Variants in TUT4 observed in about 807,000 individuals in gnomAD.
TUT4 encodes the protein terminal uridylyl transferase 4.
Under a neutral mutation model 192.2 loss-of-function variants are expected in TUT4, and 36 were observed. The observed-to-expected ratio is 0.19, with a 90% confidence interval of 0.14 to 0.25. The LOEUF (loss-of-function observed/expected upper bound fraction) is 0.25, where lower values mean the gene tolerates loss of function less well. TUT4 is among the 10% of genes least tolerant of loss of function. The pLI is 1.00. For synonymous variants in TUT4, 618 were observed against 666.0 expected, an observed-to-expected ratio of 0.93 and a Z score of 1.11; for missense variants, 1,493 against 1,957.2, an observed-to-expected ratio of 0.76 and a Z score of 4.47.
At chr1:52,502,859 G>A (rs1195947877) in intron 4 of TUT4, among the ~76,000 whole-genome samples, 1 of 151,956 alleles carries the variant, frequency 6.6e-6, no homozygotes, top group African/African-American at 2.4e-5. Flanking sequence ...CCTGAGCTCA[G>A]GAGATCCACC....
chr1:52,457,553 T>C (rs1239783989), intron 20 of TUT4, among the ~76,000 whole-genome samples: 5 of 152,190 alleles, frequency 3.3e-5, no homozygotes, highest in Non-Finnish European at 7.3e-5. Flanking sequence ...ATTTTCTTCT[T>C]TGCCATAACT....
At position 52,547,775 on chromosome 1, in the gene TUT4, T is replaced by C. The variant is rs553535104; in HGVS notation, c.-94+5156A>G. Among the ~76,000 whole-genome samples the C allele has an allele frequency of 4.6e-5, 7 of 152,310 alleles. No homozygotes were observed. In the East Asian group the frequency reaches 7.7e-4, roughly 17 times the overall value. The stretch of plus-strand genomic sequence containing the variant: ...AAGAAGCCAGGCACAAAAAGCCACA[T>C]ACTATATAATTCCTTGTATATGTAA... On this transcript the variant is annotated intron_variant, in intron 1 of 29. Transcript: ENST00000257177.
At position 52,431,033 on chromosome 1, in the gene TUT4, C is replaced by A; in HGVS notation, c.4691G>T (p.Ser1564Ile). ...GTTACCTGAATTCCCCACTGCACCACTGTTTACCAGGGAATTTGGAGCCAC... is the reference window on the plus strand; with the variant it reads ...GTTACCTGAATTCCCCACTGCACCAATGTTTACCAGGGAATTTGGAGCCAC... ...RTVAPNSLVN[S>I]GAVGNSEPGF... Residue 1564 changes from serine to isoleucine, a missense_variant, in exon 28 of 30, where the codon AGT becomes ATT. Coordinates refer to ENST00000257177, the MANE Select transcript of TUT4 (RefSeq NM_001009881.3). 1 of 1,596,388 alleles carries A rather than the reference C, an allele frequency of 6.3e-7. No individual in the cohort carries two copies. Among genetic ancestry groups the A allele is most frequent in the Admixed American group, 1.7e-5 (1 of 59,334 alleles).
intron 1 of TUT4, among the ~76,000 whole-genome samples, chr1:52,539,609 T>C (rs537787012): frequency 6.6e-6 from 1 of 152,208 alleles, no homozygotes; most frequent in South Asian, 2.1e-4. Flanking sequence ...AAGATGGCAG[T>C]GCAGGGCGCG....
intron 4 of TUT4, among the ~76,000 whole-genome samples, chr1:52,501,808 C>T (rs1674165606): frequency 6.6e-6 from 1 of 152,112 alleles, no homozygotes; most frequent in South Asian, 2.1e-4. Flanking sequence ...ACAGATGCTA[C>T]AACGCGGTTG....
chr1:52,476,404 TTAA>T (rs1306593847), intron 12 of TUT4, among the ~76,000 whole-genome samples: 2 of 152,156 alleles, frequency 1.3e-5, no homozygotes, highest in African/African-American at 4.8e-5. Flanking sequence ...ATCCTTATTA[TTAA>T]TAACATGACA....
At chr1:52,510,336 A>AAG (rs1263654830) in intron 3 of TUT4, among the ~76,000 whole-genome samples, 4 of 148,132 alleles carry the variant, frequency 2.7e-5, no homozygotes, top group African/African-American at 9.8e-5. Context: ...AAAAAAAAAA[A>AAG]AAAAAGAAAA....
intron 20 of TUT4, among the ~76,000 whole-genome samples, chr1:52,457,112 A>G (rs1054043720): frequency 1.3e-5 from 2 of 152,244 alleles, no homozygotes; most frequent in African/African-American, 4.8e-5. Context: ...ATTCCCATCC[A>G]TTGTTTAAAA....
chr1:52,435,869 C>T (rs1653591276), intron 26 of TUT4, among the ~76,000 whole-genome samples: 1 of 151,986 alleles, frequency 6.6e-6, no homozygotes, highest in African/African-American at 2.4e-5. Context: ...GTGATCATAC[C>T]ACGCACTGCA....
intron 4 of TUT4, among the ~76,000 whole-genome samples, chr1:52,506,363 CAG>C (rs1403947218): frequency 7.9e-5 from 12 of 152,190 alleles, no homozygotes; most frequent in South Asian, 2.1e-4. Context: ...GTTTGAATAT[CAG>C]AGTTACGTGG....
At chr1:52,430,985 G>A (rs936428868) in intron 28 of TUT4, 28 bp downstream of exon 28, 4 of 1,529,446 alleles carry the variant, frequency 2.6e-6, no homozygotes, top group South Asian at 1.3e-5. Flanking sequence ...AAGACATGCA[G>A]ATAAAAAAGA....
chr1:52,513,840 C>G (rs752429225), intron 3 of TUT4, among the ~76,000 whole-genome samples: 6 of 152,138 alleles, frequency 3.9e-5, no homozygotes, highest in Non-Finnish European at 7.4e-5. Flanking sequence ...GGTACTAGAT[C>G]ATGGCACATA....
In TUT4 at chr1:52,525,895, TCTG is replaced by T. The variant is rs1294560200; in HGVS notation, c.383_385del (p.Ala128del). The T allele has an allele frequency of 1.2e-6, 2 of 1,613,990 alleles. No homozygotes were observed. The highest frequency in any genetic ancestry group is 2.7e-5 in the African/African-American group (2 of 74,912). On this transcript the variant is annotated inframe_deletion, in exon 2 of 30. Coordinates refer to ENST00000257177, the MANE Select transcript of TUT4 (RefSeq NM_001009881.3). Reference sequence around the variant, plus strand: ...TGAATTAGGTGACTTTGGTGATTTTTCTGCTTTTGCCTGTAAACTGGTTGCCTT... The same window carrying T: ...TGAATTAGGTGACTTTGGTGATTTTTCTTTTGCCTGTAAACTGGTTGCCTT...
chr1:52,512,485 T>G (rs1224760811), intron 3 of TUT4, among the ~76,000 whole-genome samples: 2 of 152,108 alleles, frequency 1.3e-5, no homozygotes, highest in African/African-American at 4.8e-5. Context: ...ACCCAATGAC[T>G]CCAAAATCCA....
rs60991652 is a variant in TUT4 at position 52,498,902 on chromosome 1, T to TTA, written c.1000-1721_1000-1720dup. Among the ~76,000 whole-genome samples the TTA allele has an allele frequency of 3.9e-4, 9 of 23,302 alleles. 1 individual carries two copies. The highest frequency in any genetic ancestry group is 4.8e-4 in the African/African-American group (3 of 6,212). The allele number at this position is 23,302 out of a possible 152,430, so 15.3% of individuals were successfully genotyped here. ...ACTCCATTACAAAAAAAAAAAAAAATTATATATATATATATATATATATAT... is the reference window on the plus strand; with the variant it reads ...ACTCCATTACAAAAAAAAAAAAAAATTATATATATATATATATATATATATAT... On this transcript the variant is annotated intron_variant, in intron 4 of 29. Transcript: ENST00000257177.
chr1:52,423,494 T>G lies in TUT4; in HGVS notation c.*441A>C, dbSNP rs1019138421. ...AATAGAAGTGACAATTTAAAACACA[T>G]GAAATTCTTTCCTAACTTTTAAGAA... On this transcript the variant is annotated 3_prime_UTR_variant, in exon 30 of 30. Transcript: ENST00000257177. The G allele has an allele frequency of 5.3e-6, 1 of 189,058 alleles. No individual in the cohort carries two copies. Among genetic ancestry groups the G allele is most frequent in the Non-Finnish European group, 1.1e-5 (1 of 89,386 alleles). 11.7% of individuals were successfully genotyped at this position (189,058 alleles called of 1,614,324 possible). A position where few individuals can be genotyped will look rare whatever the true frequency, so the allele number is the denominator to read the frequency against.
rs760102580 is a variant in TUT4 at position 52,458,457 on chromosome 1, AC to A, written c.3322-9del. 2.2e-5 allele frequency: 36 copies of A among 1,601,642 alleles called. No individual in the cohort carries two copies. The South Asian group carries it at 3.8e-4, about 17-fold the overall frequency. ...ATCCCCAATGTCACATCGCTAAAAAACAACATGATTGAAAACAAAACTTCAG... is the reference window on the plus strand; with the variant it reads ...ATCCCCAATGTCACATCGCTAAAAAAAACATGATTGAAAACAAAACTTCAG... On this transcript the variant is annotated splice_polypyrimidine_tract_variant and intron_variant, in intron 19 of 29. Coordinates refer to ENST00000257177, the MANE Select transcript of TUT4 (RefSeq NM_001009881.3).
At chr1:52,514,223 T>C (rs1039121912) in intron 3 of TUT4, among the ~76,000 whole-genome samples, 3 of 152,126 alleles carry the variant, frequency 2.0e-5, no homozygotes, top group African/African-American at 4.8e-5. Flanking sequence ...GGTGGATCAT[T>C]TGAGGTCAGG....
chr1:52,439,068 TAAAAAAAAAAAAA>T (rs984014427), intron 24 of TUT4, among the ~76,000 whole-genome samples: 1 of 79,292 alleles, frequency 1.3e-5, no homozygotes, highest in East Asian at 3.7e-4. Context: ...AGACTCCATC[TAAAAAAAAAAAAA>T]AAAAAAAAAA....
Sources: gnomAD v4.1 joint callset for allele counts (sites outside exome capture counted in the v4.1 genomes callset) on GRCh38, gnomAD v4.1.1 for gene constraint, MANE v1.5 for transcripts, NCBI Gene and HGNC (gene_info 2026-07-23, HGNC 2026-07-21) for gene names.